Variants in RFX2 observed in about 807,000 individuals in gnomAD.
The protein encoded by RFX2 is DNA-binding protein RFX2.
A neutral mutation model predicts 87.8 loss-of-function variants in RFX2; 20 were observed. The ratio of observed to expected loss-of-function variants is 0.23; its 90% CI spans 0.16 to 0.33. The LOEUF (loss-of-function observed/expected upper bound fraction) is 0.33, where lower values mean the gene tolerates loss of function less well. Among genes scored for constraint, RFX2 ranks in the 10% least tolerant of loss-of-function variants. The pLI is 1.00. For missense variants in RFX2, 767 were observed against 1,012.3 expected (o/e 0.76, Z 3.29); for synonymous variants, 397 against 431.3 (o/e 0.92, Z 0.98).
rs2144711650 is a variant in RFX2, at chr19:6,016,705, A to G, written c.598-434T>C. 6.6e-6 allele frequency among the ~76,000 whole-genome samples: 1 copy of G among 152,326 alleles called. No homozygotes were observed. Among genetic ancestry groups the G allele is most frequent in the East Asian group, 1.9e-4 (1 of 5,184 alleles). ...CGTGCCTGGCCAGAAATCCATCTTT[A>G]TGGTCACTGATTTGAGTTCTCTAAG... On this transcript the variant is annotated intron_variant, in intron 6 of 17. Coordinates refer to ENST00000303657, the MANE Select transcript of RFX2 (RefSeq NM_000635.4). This position sits in a 1 kb window ranked among gnomAD's most constrained non-coding sequence, Gnocchi z 5.4.
intron 5 of RFX2, among the ~76,000 whole-genome samples, chr19:6,037,546 G>A (rs576397357): frequency 2.6e-5 from 4 of 152,244 alleles, no homozygotes; most frequent in African/African-American, 9.6e-5. Flanking sequence ...TGGAGAAAAC[G>A]TACCATGTTC....
intron 1 of RFX2, among the ~76,000 whole-genome samples, chr19:6,070,473 T>C (rs2087591364): frequency 6.6e-6 from 1 of 152,016 alleles, no homozygotes; most frequent in South Asian, 2.1e-4. Flanking sequence ...GCTGGGGGCC[T>C]CCACTCTCAG....
intron 6 of RFX2, among the ~76,000 whole-genome samples, chr19:6,019,069 T>C (rs1335445960): frequency 6.7e-6 from 1 of 148,612 alleles, no homozygotes; most frequent in Non-Finnish European, 1.5e-5. Context: ...CCCCCCGCCA[T>C]GAGTGCAGGT....
At position 6,017,409 on chromosome 19, in the gene RFX2, G is replaced by C. The variant is rs560871642; in HGVS notation, c.598-1138C>G. 6.6e-6 allele frequency among the ~76,000 whole-genome samples: 1 copy of C among 152,322 alleles called. No homozygotes were observed. Among genetic ancestry groups the C allele is most frequent in the South Asian group, 2.1e-4 (1 of 4,822 alleles). ...GCCCACCAACTGATGCCCTCACCCA[G>C]GTGCCTTAAAGACTGCGGCTTAATT... On this transcript the variant is annotated intron_variant, in intron 6 of 17. Transcript: ENST00000303657. This position sits in a 1 kb window ranked among gnomAD's most constrained non-coding sequence, Gnocchi z 4.1.
intron 1 of RFX2, among the ~76,000 whole-genome samples, chr19:6,096,740 C>T (rs186248626): frequency 1.3e-5 from 2 of 152,350 alleles, no homozygotes; most frequent in Admixed American, 1.3e-4. Context: ...GGCACTGCAC[C>T]TGGCCTCGTT....
At position 5,999,555 on chromosome 19, in the gene RFX2, G is replaced by A. The variant is rs1398999086; in HGVS notation, c.1859+2260C>T. On this transcript the variant is annotated intron_variant, in intron 15 of 17. Coordinates refer to ENST00000303657, the MANE Select transcript of RFX2 (RefSeq NM_000635.4). This position sits in a 1 kb window ranked among gnomAD's most constrained non-coding sequence, Gnocchi z 4.1. ...CTGGCTACACTGGTGTTTCTGTTAT[G>A]TGGCAGTGGTGTGCTAGGTCCATGG... is the stretch of plus-strand genomic sequence containing the variant. Among the ~76,000 whole-genome samples the A allele has an allele frequency of 1.3e-5, 2 of 152,144 alleles. No individual in the cohort carries two copies. Among genetic ancestry groups the A allele is most frequent in the Non-Finnish European group, 2.9e-5 (2 of 68,032 alleles).
chr19:6,003,060 C>T (rs1212082791), intron 13 of RFX2, among the ~76,000 whole-genome samples, 190 bp from the exon 14 acceptor site: 1 of 152,150 alleles, frequency 6.6e-6, no homozygotes, highest in East Asian at 1.9e-4. Flanking sequence ...AAGAGGAGAC[C>T]TCGCCGGCAC....
At chr19:6,055,771 T>C (rs187771159) in intron 1 of RFX2, among the ~76,000 whole-genome samples, 14 of 152,266 alleles carry the variant, frequency 9.2e-5, no homozygotes, top group Non-Finnish European at 1.9e-4. Context: ...CAGATTATGA[T>C]GATTTAAAGA....
In RFX2 at chr19:6,004,260, A is replaced by C; in HGVS notation, c.1441T>G (p.Leu481Val). ...ATGGCATTTGTCAACCAGCCTTCCAAGCTCTTGGCAAAGTTACGGATGGCC... is the reference window on the plus strand; with the variant it reads ...ATGGCATTTGTCAACCAGCCTTCCACGCTCTTGGCAAAGTTACGGATGGCC... ...TQAIRNFAKS[L>V]EGWLTNAMSD... The change falls in exon 13 of 18, where the codon TTG becomes GTG. Residue 481 changes from leucine (L) to valine (V), a missense_variant. Leu to Val is a conservative substitution (Grantham distance 32). Around this residue, in one of 2 missense-constraint regions of RFX2, gnomAD observed 621 missense variants for 873.0 expected, o/e 0.71. Coordinates refer to ENST00000303657, the MANE Select transcript of RFX2 (RefSeq NM_000635.4). The surrounding 1 kb of genome is among the most constrained non-coding windows in gnomAD (Gnocchi z 4.8). 1 of 1,613,990 alleles carries C rather than the reference A, an allele frequency of 6.2e-7. No individual in the cohort carries two copies. Among genetic ancestry groups the C allele is most frequent in the South Asian group, 1.1e-5 (1 of 91,072 alleles).
At position 6,045,819 on chromosome 19, in the gene RFX2, G is replaced by A. The variant is rs2087181570; in HGVS notation, c.91-1537C>T. ...CCCGAGTAGCTGGGATTACAAGCAT[G>A]TGCCACAATGCTCGGCTAATTTATT... On this transcript the variant is annotated intron_variant, in intron 2 of 17. Coordinates refer to ENST00000303657, the MANE Select transcript of RFX2 (RefSeq NM_000635.4). The surrounding 1 kb of genome is among the most constrained non-coding windows in gnomAD (Gnocchi z 5.2). 6.6e-6 allele frequency among the ~76,000 whole-genome samples: 1 copy of A among 152,060 alleles called. No individual in the cohort carries two copies. The highest frequency in any genetic ancestry group is 2.1e-4 in the South Asian group (1 of 4,816).
At chr19:6,062,888 T>C (rs1335830565) in intron 1 of RFX2, among the ~76,000 whole-genome samples, 2 of 152,032 alleles carry the variant, frequency 1.3e-5, no homozygotes, top group African/African-American at 4.8e-5. Context: ...AAGCAGTGGG[T>C]TTTTCAGAAT....
Position 6,002,697 on chromosome 19 carries a change from T to G in RFX2, c.1650+24A>C, listed in dbSNP as rs2086508481. 1 of 1,610,738 alleles carries G rather than the reference T, an allele frequency of 6.2e-7. No individual in the cohort carries two copies. Among genetic ancestry groups the G allele is most frequent in the African/African-American group, 1.3e-5 (1 of 74,990 alleles). On this transcript the variant is annotated intron_variant, in intron 14 of 17. Coordinates refer to ENST00000303657, the MANE Select transcript of RFX2 (RefSeq NM_000635.4). This position sits in a 1 kb window ranked among gnomAD's most constrained non-coding sequence, Gnocchi z 6.7. ...GCTGGAGGGCGGGAAGCCCGGGCCC[T>G]GGGGACGGTGTGGAGGAAGTCACCT...
rs139506940 is a variant in RFX2 at position 6,022,741 on chromosome 19, C to T, written c.597+3422G>A. Among the ~76,000 whole-genome samples the T allele has an allele frequency of 1.3e-5, 2 of 152,358 alleles. No homozygotes were observed. Among genetic ancestry groups the T allele is most frequent in the African/African-American group, 2.4e-5 (1 of 41,592 alleles). On this transcript the variant is annotated intron_variant, in intron 6 of 17. Coordinates refer to ENST00000303657, the MANE Select transcript of RFX2 (RefSeq NM_000635.4). The surrounding 1 kb of genome is among the most constrained non-coding windows in gnomAD (Gnocchi z 6.2). ...GCCTCCTCCTCCCTGGGAGTTTCCA[C>T]GCCAGGCTGACCATCAGCTGGCTGG...
chr19:6,081,343 A>T (rs1468156008), intron 1 of RFX2, among the ~76,000 whole-genome samples: 1 of 152,244 alleles, frequency 6.6e-6, no homozygotes, highest in Admixed American at 6.5e-5. Context: ...TAAACAAATA[A>T]AAAGAATAAT....
chr19:6,036,658 TAAAAAAAC>T lies in RFX2; in HGVS notation c.522+3314_522+3321del, dbSNP rs1192206384. ...AAAAATATGCTGATGCTTACATATGTAAAAAAACGTTTGACAGAATTCAACATCTATTT... is the reference window on the plus strand; with the variant it reads ...AAAAATATGCTGATGCTTACATATGTGTTTGACAGAATTCAACATCTATTT... On this transcript the variant is annotated intron_variant, in intron 5 of 17. Transcript: ENST00000303657. Among the ~76,000 whole-genome samples, 5 of 152,204 alleles carry T rather than the reference TAAAAAAAC, an allele frequency of 3.3e-5. No individual in the cohort carries two copies. In the East Asian group the frequency reaches 9.6e-4, roughly 29 times the overall value.
rs1352827346 is a variant in RFX2, at chr19:6,056,856, C to G, written c.-8-9352G>C. Among the ~76,000 whole-genome samples the G allele has an allele frequency of 1.3e-5, 2 of 152,124 alleles. No homozygotes were observed. The highest frequency in any genetic ancestry group is 2.1e-4 in the South Asian group (1 of 4,828). ...CTCTTAGACTGGGTTACAGGAGCCT[C>G]GGAACAGCCAATATAAAGGGGAGGG... is the stretch of plus-strand genomic sequence containing the variant. On this transcript the variant is annotated intron_variant, in intron 1 of 17. Coordinates refer to ENST00000303657, the MANE Select transcript of RFX2 (RefSeq NM_000635.4). This position sits in a 1 kb window ranked among gnomAD's most constrained non-coding sequence, Gnocchi z 4.6.
intron 1 of RFX2, among the ~76,000 whole-genome samples, chr19:6,065,269 T>C (rs577510460): frequency 2.0e-5 from 3 of 152,294 alleles, no homozygotes; most frequent in East Asian, 1.9e-4. Context: ...TCAGACCTTA[T>C]TCATTTTCAT....
At chr19:6,093,483 C>T (rs74973635) in intron 1 of RFX2, among the ~76,000 whole-genome samples, 2 of 151,992 alleles carry the variant, frequency 1.3e-5, no homozygotes, top group Non-Finnish European at 2.9e-5. Flanking sequence ...TGCAGTGAGC[C>T]GGGATTGTGC....
At chr19:6,046,661 T>C (rs1284990412) in intron 2 of RFX2, among the ~76,000 whole-genome samples, 2 of 146,614 alleles carry the variant, frequency 1.4e-5, no homozygotes, top group African/African-American at 5.1e-5. Flanking sequence ...AGTGGTATGA[T>C]TACAGCTCAC....
Sources: gnomAD v4.1 joint callset for allele counts (sites outside exome capture counted in the v4.1 genomes callset) on GRCh38, gnomAD v4.1.1 for gene constraint, gnomAD v4.1.1 regional missense constraint, Gnocchi (gnomAD v3.1) non-coding constraint, MANE v1.5 for transcripts, NCBI Gene and HGNC (gene_info 2026-07-23, HGNC 2026-07-21) for gene names.